Variants in TANC2 observed in about 807,000 individuals in gnomAD.
TANC2 encodes the protein protein TANC2.
TANC2 carries 26 observed loss-of-function variants against 210.5 expected under a neutral mutation model. That is an observed-to-expected ratio of 0.12 (90% CI 0.09 to 0.17). The LOEUF is 0.17. Among genes scored for constraint, TANC2 ranks in the 10% least tolerant of loss-of-function variants. TANC2 has a pLI of 1.00. For synonymous variants in TANC2, 931 were observed against 967.1 expected (o/e 0.96, Z 0.69); for missense variants, 2,129 against 2,608.9 (o/e 0.82, Z 4.01).
At chr17:63,101,044 G>A (rs997589019) in intron 4 of TANC2, among the ~76,000 whole-genome samples, 1 of 152,154 alleles carries the variant, frequency 6.6e-6, no homozygotes, top group African/African-American at 2.4e-5. Flanking sequence ...TACTGAAAGA[G>A]TATGTCAGGA....
intron 14 of TANC2, among the ~76,000 whole-genome samples, chr17:63,366,514 A>C (rs961201642): frequency 6.6e-6 from 1 of 152,220 alleles, no homozygotes; most frequent in African/African-American, 2.4e-5. Flanking sequence ...CTTCTGCCTC[A>C]TGAAGCCCTG....
intron 11 of TANC2, among the ~76,000 whole-genome samples, chr17:63,327,781 T>G (rs1156444541): frequency 6.6e-6 from 1 of 152,202 alleles, no homozygotes; most frequent in Non-Finnish European, 1.5e-5. Flanking sequence ...ATTCATGGTT[T>G]TTTTTATTAT....
chr17:63,408,489 C>T (rs1478474038), intron 21 of TANC2, among the ~76,000 whole-genome samples: 1 of 152,220 alleles, frequency 6.6e-6, no homozygotes, highest in East Asian at 1.9e-4. Context: ...ACTTTCTTAT[C>T]CTACTCTTTC....
chr17:63,034,737 C>T lies in TANC2; in HGVS notation c.67+25111C>T, dbSNP rs987795463. 8.5e-5 allele frequency among the ~76,000 whole-genome samples: 13 copies of T among 152,210 alleles called. No homozygotes were observed. In the East Asian group the frequency reaches 1.9e-3, roughly 23 times the overall value. ...AGACTTCATTGGAGGAAGTAACTGTCGATGTGTGGGAATGGTAAGAGAACT... is the reference window on the plus strand; with the variant it reads ...AGACTTCATTGGAGGAAGTAACTGTTGATGTGTGGGAATGGTAAGAGAACT... On this transcript the variant is annotated intron_variant, in intron 2 of 27. Coordinates refer to ENST00000689528, the Ensembl canonical transcript of TANC2.
At chr17:63,414,034 A>G (rs546926168) in intron 25 of TANC2, 2 of 154,338 alleles carry the variant, frequency 1.3e-5, no homozygotes, top group South Asian at 4.1e-4. Context: ...TATAGTAACA[A>G]TAGCTTATCA....
intron 2 of TANC2, among the ~76,000 whole-genome samples, chr17:63,056,833 G>A (rs1203402340): frequency 2.0e-5 from 3 of 152,020 alleles, no homozygotes; most frequent in Non-Finnish European, 4.4e-5. Context: ...TTGAAACTCT[G>A]GCATTCTGCA....
At chr17:63,413,487 C>G in intron 24 of TANC2, 56 bp from the exon 25 acceptor site, 1 of 1,401,200 alleles carries the variant, frequency 7.1e-7, no homozygotes, top group Non-Finnish European at 9.7e-7. Context: ...ACCTAGCTTC[C>G]TACCACCCTT....
At chr17:62,993,316 C>T (rs2032958176) in intron 1 of TANC2, among the ~76,000 whole-genome samples, 1 of 152,140 alleles carries the variant, frequency 6.6e-6, no homozygotes, top group African/African-American at 2.4e-5. Flanking sequence ...GGGTCCCTTG[C>T]CGTTTCCACA....
intron 7 of TANC2, among the ~76,000 whole-genome samples, chr17:63,229,918 T>C (rs9895293): frequency 0.24 from 36,933 of 151,884 alleles, 4,547 homozygotes; most frequent in South Asian, 0.31. Context: ...CTCAGCCTCC[T>C]GAGTAGCTGG....
At chr17:63,037,751 T>G (rs935841658) in intron 2 of TANC2, among the ~76,000 whole-genome samples, 6 of 152,006 alleles carry the variant, frequency 3.9e-5, no homozygotes, top group African/African-American at 1.4e-4. Context: ...GAGGTGGAGG[T>G]TGCAGTGAGC....
intron 11 of TANC2, among the ~76,000 whole-genome samples, chr17:63,324,503 A>T (rs185624137): frequency 6.6e-6 from 1 of 152,310 alleles, no homozygotes; most frequent in East Asian, 1.9e-4. Flanking sequence ...ACATACATAC[A>T]CAGAAAATGA....
At chr17:63,269,997 CTATGATGTTAGTAT>C (rs2043648643) in intron 9 of TANC2, among the ~76,000 whole-genome samples, 1 of 152,058 alleles carries the variant, frequency 6.6e-6, no homozygotes, top group Non-Finnish European at 1.5e-5. Flanking sequence ...GATGAAGATG[CTATGATGTTAGTAT>C]TTCAGTTCCT....
intron 5 of TANC2, among the ~76,000 whole-genome samples, chr17:63,187,714 A>G (rs892637747): frequency 3.9e-5 from 6 of 152,252 alleles, no homozygotes; most frequent in African/African-American, 1.4e-4. Context: ...TCACTAAGAC[A>G]CAATATGAAA....
chr17:63,289,084 G>T (rs188944035), intron 9 of TANC2, among the ~76,000 whole-genome samples: 1 of 152,074 alleles, frequency 6.6e-6, no homozygotes. Flanking sequence ...TATAGATGAG[G>T]CATTTTAAAA....
In TANC2 at chr17:63,016,891, A is replaced by G. The variant is rs139941271; in HGVS notation, c.67+7265A>G. The stretch of plus-strand genomic sequence containing the variant: ...AGTCCCTTACCTATTTTTGAATTGG[A>G]TTGCTTGTGTTTTTGTCATTCACTT... On this transcript the variant is annotated intron_variant, in intron 2 of 27. Transcript: ENST00000689528. Among the ~76,000 whole-genome samples the G allele has an allele frequency of 2.9e-3, 442 of 151,898 alleles. 3 individuals carry two copies. Among genetic ancestry groups the G allele is most frequent in the African/African-American group, 9.6e-3 (399 of 41,428 alleles).
chr17:63,111,851 G>T (rs111518715), intron 4 of TANC2, among the ~76,000 whole-genome samples: 10,185 of 152,050 alleles, frequency 0.067, 438 homozygotes, highest in African/African-American at 0.13. Context: ...TCAGCCTCCT[G>T]AGTAGCTGGG....
chr17:63,377,927 A>G (rs1322852607), intron 14 of TANC2, among the ~76,000 whole-genome samples: 3 of 152,206 alleles, frequency 2.0e-5, no homozygotes, highest in Non-Finnish European at 2.9e-5. Flanking sequence ...AATGCCAGAC[A>G]CTTAGAAAAC....
intron 3 of TANC2, among the ~76,000 whole-genome samples, chr17:63,079,758 T>A (rs2036703859): frequency 6.6e-6 from 1 of 152,188 alleles, no homozygotes; most frequent in Non-Finnish European, 1.5e-5. Context: ...TGTGCCAATG[T>A]CTTACCCTCT....
At chr17:63,266,881 T>A (rs945367359) in intron 8 of TANC2, among the ~76,000 whole-genome samples, 1 of 152,060 alleles carries the variant, frequency 6.6e-6, no homozygotes, top group African/African-American at 2.4e-5. Context: ...AAACAGGGTC[T>A]CTCTGTTGCC....
Sources: allele counts gnomAD v4.1 joint callset (sites outside exome capture counted in the v4.1 genomes callset), GRCh38; gene constraint gnomAD v4.1.1; transcripts MANE v1.5; gene names NCBI Gene and HGNC (gene_info 2026-07-23, HGNC 2026-07-21).